The following JMJD1C variants were observed in gnomAD, a reference collection of about 807,000 sequenced individuals.
JMJD1C encodes jumonji domain containing 1C, also known as jumonji domain-containing protein 1C.
Under a neutral mutation model 245.3 loss-of-function variants are expected in JMJD1C, and 31 were observed. The observed-to-expected ratio is 0.13, with a 90% CI of 0.09 to 0.17. The LOEUF is 0.17. Ranked by LOEUF, JMJD1C falls within the 10% of genes least tolerant of loss-of-function variation. JMJD1C has a pLI of 1.00. For missense variants in JMJD1C, 2,691 were observed against 3,000.2 expected (o/e 0.90, Z 2.41); for synonymous variants, 1,057 against 1,017.4 (o/e 1.04, Z -0.74).
At chr10:63,486,162 A>AAAAAAAC (rs1487451497) in intron 1 of JMJD1C, among the ~76,000 whole-genome samples, 68 of 61,710 alleles carry the variant, frequency 1.1e-3, no homozygotes, top group Non-Finnish European at 1.6e-3. Context: ...AAAAAAAAAA[A>AAAAAAAC]AAAAAACAAA....
intron 13 of JMJD1C, among the ~76,000 whole-genome samples, chr10:63,196,784 C>T (rs1845508457): frequency 6.6e-6 from 1 of 152,036 alleles, no homozygotes; most frequent in Admixed American, 6.6e-5. Flanking sequence ...CTTTCTAAAA[C>T]ACTTTTGATT....
intron 1 of JMJD1C, among the ~76,000 whole-genome samples, chr10:63,443,683 T>C (rs1951526285): frequency 6.6e-6 from 1 of 152,222 alleles, no homozygotes; most frequent in African/African-American, 2.4e-5. Flanking sequence ...CATATGCCAC[T>C]GGTAATTTAC....
Position 63,207,527 on chromosome 10 carries a change from G to C in JMJD1C, c.4142C>G (p.Pro1381Arg). 1 of 1,614,116 alleles carries C rather than the reference G, an allele frequency of 6.2e-7. No individual in the cohort carries two copies. The highest frequency in any genetic ancestry group is 1.1e-5 in the South Asian group (1 of 91,082). Residue 1381 changes from proline (P) to arginine (R), a missense_variant, in exon 10 of 26, where the codon CCC becomes CGC. This residue lies in a region of JMJD1C where 1,562 missense variants were observed against 1,490.7 expected (regional missense o/e 1.05). Transcript: ENST00000399262. Reference sequence around the variant, plus strand: ...ATTTACAGCAGACATGACTGAACTGGGAACACTGCCCTGTGAGACAGCCTG... The same window carrying C: ...ATTTACAGCAGACATGACTGAACTGCGAACACTGCCCTGTGAGACAGCCTG... ...NFQAVSQGSV[P>R]SSVMSAVNTM...
chr10:63,325,146 A>C (rs966558146), intron 2 of JMJD1C, among the ~76,000 whole-genome samples: 4 of 152,218 alleles, frequency 2.6e-5, no homozygotes, highest in African/African-American at 9.6e-5. Flanking sequence ...CCAGAATGCA[A>C]ATTTATTACT....
intron 2 of JMJD1C, among the ~76,000 whole-genome samples, chr10:63,356,447 G>C (rs996820587): frequency 1.3e-5 from 2 of 152,162 alleles, no homozygotes; most frequent in Non-Finnish European, 2.9e-5. Flanking sequence ...GAACAAAAAA[G>C]ACCTGAGAAA....
intron 1 of JMJD1C, chr10:63,428,065 A>C: frequency 1.8e-6 from 1 of 552,598 alleles, no homozygotes. Flanking sequence ...CACACAACAC[A>C]CATATATATA....
chr10:63,198,574 A>G lies in JMJD1C; in HGVS notation c.5430T>C (p.Gly1810=). ...ATGTTACTAATTGACAGAACTTATCACCTATTATATCCAAGATATATTTAG... is the reference window on the plus strand; with the variant it reads ...ATGTTACTAATTGACAGAACTTATCGCCTATTATATCCAAGATATATTTAG... ...ETSKYILDII[G]DKFCQLVTSE... is the part of the protein sequence containing the mutation. Residue 1810 remains glycine, a synonymous_variant, in exon 12 of 26, where the codon GGT becomes GGC. Transcript: ENST00000399262. 6.2e-7 allele frequency: 1 copy of G among 1,610,780 alleles called. No individual in the cohort carries two copies. Among genetic ancestry groups the G allele is most frequent in the South Asian group, 1.1e-5 (1 of 90,822 alleles).
intron 1 of JMJD1C, among the ~76,000 whole-genome samples, chr10:63,513,917 G>GATAAA (rs566826128): frequency 0.013 from 2,033 of 151,486 alleles, 44 homozygotes; most frequent in African/African-American, 0.04. Flanking sequence ...TAGCTCAAAA[G>GATAAA]ATAAAATAAA....
intron 3 of JMJD1C, among the ~76,000 whole-genome samples, chr10:63,259,290 A>C (rs905444434): frequency 3.9e-5 from 6 of 152,254 alleles, no homozygotes; most frequent in African/African-American, 7.2e-5. Flanking sequence ...AGTAACGACC[A>C]AACAACTGGT....
At chr10:63,180,495 C>A (rs1039754450) in intron 22 of JMJD1C, among the ~76,000 whole-genome samples, 3 of 152,116 alleles carry the variant, frequency 2.0e-5, no homozygotes, top group African/African-American at 7.2e-5. Context: ...GTTAAGTCCT[C>A]CAATGTTATC....
chr10:63,335,281 A>G (rs1331213113), intron 2 of JMJD1C, among the ~76,000 whole-genome samples: 1 of 152,178 alleles, frequency 6.6e-6, no homozygotes, highest in Admixed American at 6.5e-5. Context: ...TAAGACAAAC[A>G]ACCTGGATAC....
intron 2 of JMJD1C, among the ~76,000 whole-genome samples, chr10:63,331,137 T>C (rs1286645215): frequency 6.6e-6 from 1 of 152,228 alleles, no homozygotes; most frequent in Non-Finnish European, 1.5e-5. Flanking sequence ...TAAAATATAA[T>C]ATGCTAAAAC....
At chr10:63,505,896 G>A (rs968965038) in intron 1 of JMJD1C, among the ~76,000 whole-genome samples, 3 of 142,360 alleles carry the variant, frequency 2.1e-5, no homozygotes, top group Non-Finnish European at 4.5e-5. Flanking sequence ...ATTCAGAATC[G>A]AAGCCTGACA....
chr10:63,501,141 A>C (rs1954546388), intron 1 of JMJD1C, among the ~76,000 whole-genome samples: 1 of 152,128 alleles, frequency 6.6e-6, no homozygotes, highest in Non-Finnish European at 1.5e-5. Flanking sequence ...AACCTGCCAG[A>C]CGCGGTAGCT....
Position 63,499,794 on chromosome 10 carries a change from C to A in JMJD1C, n.113+21944G>T, listed in dbSNP as rs1265283746. On this transcript the variant is annotated intron_variant and non_coding_transcript_variant, in intron 1 of 3. Coordinates refer to the JMJD1C transcript ENST00000633035. ...TTATTTTATGCAAATATTTAAAAAG[C>A]AAATTTATAAACATACACAATATCA... Among the ~76,000 whole-genome samples the A allele has an allele frequency of 2.0e-5, 3 of 152,078 alleles. No individual in the cohort carries two copies. The East Asian group carries it at 5.8e-4, about 29-fold the overall frequency.
chr10:63,298,296 G>A (rs901681284), intron 2 of JMJD1C, among the ~76,000 whole-genome samples: 1 of 152,176 alleles, frequency 6.6e-6, no homozygotes, highest in African/African-American at 2.4e-5. Context: ...CTCAAGCACT[G>A]GTGCCACTGG....
intron 4 of JMJD1C, among the ~76,000 whole-genome samples, chr10:63,219,560 T>C (rs1404689435): frequency 6.6e-6 from 1 of 152,182 alleles, no homozygotes; most frequent in Non-Finnish European, 1.5e-5. Flanking sequence ...TGGGCAACCC[T>C]CTACTGCAAA....
chr10:63,371,135 C>A (rs1946282008), intron 2 of JMJD1C, among the ~76,000 whole-genome samples: 1 of 146,134 alleles, frequency 6.8e-6, no homozygotes, highest in African/African-American at 2.6e-5. Flanking sequence ...TGCGCCACTA[C>A]AATAGGCTAA....
chr10:63,291,614 T>TAAAA (rs10650646), intron 2 of JMJD1C, among the ~76,000 whole-genome samples: 34 of 142,972 alleles, frequency 2.4e-4, no homozygotes, highest in East Asian at 1.0e-3. Flanking sequence ...AAACTCCATC[T>TAAAA]AAAAAAAAAA....
Sources: gnomAD v4.1 joint callset for allele counts (sites outside exome capture counted in the v4.1 genomes callset) on GRCh38, gnomAD v4.1.1 for gene constraint, gnomAD v4.1.1 regional missense constraint, MANE v1.5 for transcripts, NCBI Gene and HGNC (gene_info 2026-07-23, HGNC 2026-07-21) for gene names.